The following CDH18 variants were observed in gnomAD, a reference collection of about 807,000 sequenced individuals.
CDH18 encodes cadherin 18, also known as cadherin-18.
Under a neutral mutation model 67.9 loss-of-function variants are expected in CDH18, and 31 were observed. That is an observed-to-expected ratio of 0.46 (90% CI 0.34 to 0.62). The LOEUF (loss-of-function observed/expected upper bound fraction) is 0.62, where lower values mean the gene tolerates loss of function less well. CDH18 is among the 20% of genes least tolerant of loss of function. The pLI, the probability that CDH18 is intolerant of heterozygous loss-of-function variation, is 0.01. For missense variants in CDH18, 890 were observed against 975.5 expected, an observed-to-expected ratio of 0.91 and a Z score of 1.17; for synonymous variants, 362 against 347.2, an observed-to-expected ratio of 1.04 and a Z score of -0.48.
chr5:19,833,760 C>G (rs543448448), intron 3 of CDH18, among the ~76,000 whole-genome samples: 92 of 152,266 alleles, frequency 6.0e-4, no homozygotes, highest in Non-Finnish European at 1.2e-3. Flanking sequence ...AAGGCCTTTT[C>G]TCCATCTATT....
chr5:19,799,127 G>A (rs996652831), intron 3 of CDH18, among the ~76,000 whole-genome samples: 3 of 151,936 alleles, frequency 2.0e-5, no homozygotes, highest in African/African-American at 4.8e-5. Flanking sequence ...AAGACACTAC[G>A]CTTAGCAAAA....
intron 1 of CDH18, among the ~76,000 whole-genome samples, chr5:20,458,066 GT>G (rs1750966930): frequency 6.6e-6 from 1 of 152,066 alleles, no homozygotes; most frequent in African/African-American, 2.4e-5. Flanking sequence ...ACAATTAAGT[GT>G]TTCATATGCT....
chr5:19,519,222 T>A (rs946169185), intron 10 of CDH18, among the ~76,000 whole-genome samples: 2 of 152,102 alleles, frequency 1.3e-5, no homozygotes, highest in Non-Finnish European at 2.9e-5. Flanking sequence ...ACAGTGAACA[T>A]GAAAAAAGCT....
At chr5:19,876,258 G>T (rs569461889) in intron 2 of CDH18, among the ~76,000 whole-genome samples, 1 of 152,092 alleles carries the variant, frequency 6.6e-6, no homozygotes, top group Admixed American at 6.6e-5. Context: ...TTGATAACTT[G>T]AGTCTCAGAT....
At chr5:20,116,637 T>G (rs1747938198) in intron 2 of CDH18, among the ~76,000 whole-genome samples, 2 of 152,206 alleles carry the variant, frequency 1.3e-5, no homozygotes, top group South Asian at 2.1e-4. Flanking sequence ...TCATTCCAAT[T>G]TACTTCTTTT....
intron 1 of CDH18, among the ~76,000 whole-genome samples, chr5:20,282,954 A>G (rs1016112252): frequency 2.2e-4 from 33 of 152,104 alleles, no homozygotes; most frequent in African/African-American, 7.7e-4. Flanking sequence ...AGAGACCAAA[A>G]ACAAATCCGT....
At chr5:20,384,179 T>C (rs1468359674) in intron 1 of CDH18, among the ~76,000 whole-genome samples, 1 of 152,190 alleles carries the variant, frequency 6.6e-6, no homozygotes, top group Non-Finnish European at 1.5e-5. Context: ...AGGCAAAATG[T>C]TGCATGACAG....
At chr5:20,500,321 A>T (rs2126433423) in intron 1 of CDH18, among the ~76,000 whole-genome samples, 1 of 152,254 alleles carries the variant, frequency 6.6e-6, no homozygotes, top group South Asian at 2.1e-4. Context: ...GGAAAATAGA[A>T]ATTGGCTTTT....
At chr5:19,763,374 C>T (rs1403471341) in intron 3 of CDH18, among the ~76,000 whole-genome samples, 1 of 152,240 alleles carries the variant, frequency 6.6e-6, no homozygotes, top group East Asian at 1.9e-4. Flanking sequence ...CAAACAAAGG[C>T]TTCTCAAAGA....
chr5:20,519,108 TTC>T, intron 1 of CDH18, among the ~76,000 whole-genome samples: 1 of 152,290 alleles, frequency 6.6e-6, no homozygotes, highest in Non-Finnish European at 1.5e-5. Flanking sequence ...ATTGAAAAAT[TTC>T]TGTCTTTATT....
At chr5:19,713,001 C>T (rs946747519) in intron 5 of CDH18, among the ~76,000 whole-genome samples, 8 of 151,832 alleles carry the variant, frequency 5.3e-5, no homozygotes, top group African/African-American at 9.6e-5. Flanking sequence ...AGAACACAAT[C>T]GCAATGTTTC....
intron 2 of CDH18, among the ~76,000 whole-genome samples, chr5:19,974,769 C>T (rs1034109446): frequency 1.3e-5 from 2 of 151,916 alleles, no homozygotes; most frequent in Non-Finnish European, 2.9e-5. Context: ...GTCACTGTCC[C>T]GTTGATTTAG....
At chr5:19,555,577 G>A (rs1022531855) in intron 8 of CDH18, among the ~76,000 whole-genome samples, 1 of 152,102 alleles carries the variant, frequency 6.6e-6, no homozygotes, top group Non-Finnish European at 1.5e-5. Context: ...TAACTCCATT[G>A]GCCTGGGAAC....
rs529624160 is a variant in CDH18 at position 20,420,875 on chromosome 5, A to G, written c.-580+154587T>C. On this transcript the variant is annotated intron_variant, in intron 1 of 14. Coordinates refer to the CDH18 transcript ENST00000507958. ...CAGCAAAAAAATCTTCTTTCACTAT[A>G]TAGTCATTGATTTTGCATAGTTACT... Among the ~76,000 whole-genome samples the G allele has an allele frequency of 2.9e-3, 432 of 151,318 alleles. 3 individuals carry two copies. Among genetic ancestry groups the G allele is most frequent in the Admixed American group, 3.9e-3 (59 of 15,274 alleles).
At chr5:20,383,390 G>T (rs546996974) in intron 1 of CDH18, among the ~76,000 whole-genome samples, 1 of 152,156 alleles carries the variant, frequency 6.6e-6, no homozygotes, top group African/African-American at 2.4e-5. Flanking sequence ...ATACATCAAA[G>T]AAATATTTTT....
chr5:20,298,732 C>T (rs560564908), intron 1 of CDH18, among the ~76,000 whole-genome samples: 148 of 152,066 alleles, frequency 9.7e-4, no homozygotes, highest in African/African-American at 3.2e-3. Flanking sequence ...GTCCTAAACT[C>T]TGGCAAGAAA....
intron 2 of CDH18, among the ~76,000 whole-genome samples, chr5:20,008,683 G>C (rs1737138901): frequency 6.6e-6 from 1 of 152,144 alleles, no homozygotes; most frequent in Non-Finnish European, 1.5e-5. Context: ...AATAAGTGAA[G>C]GGATAGTGCA....
At chr5:20,342,106 A>G (rs922196964) in intron 1 of CDH18, among the ~76,000 whole-genome samples, 4 of 152,130 alleles carry the variant, frequency 2.6e-5, no homozygotes, top group Non-Finnish European at 2.9e-5. Context: ...AAAAACAAAC[A>G]TAAGATTTTA....
At chr5:19,750,571 T>C (rs898878613) in intron 3 of CDH18, among the ~76,000 whole-genome samples, 4 of 151,972 alleles carry the variant, frequency 2.6e-5, no homozygotes, top group East Asian at 3.9e-4. Context: ...ATGAAAGAGA[T>C]TGGAAAAGAG....
Sources: gnomAD v4.1 joint callset for allele counts (sites outside exome capture counted in the v4.1 genomes callset) on GRCh38, gnomAD v4.1.1 for gene constraint, MANE v1.5 for transcripts, NCBI Gene and HGNC (gene_info 2026-07-23, HGNC 2026-07-21) for gene names.